The following TRIM2 variants were observed in gnomAD, a reference collection of about 807,000 sequenced individuals.
The protein encoded by TRIM2 is tripartite motif-containing protein 2.
In TRIM2, 20 loss-of-function variants were observed where a neutral mutation model predicts 75.2. The ratio of observed to expected loss-of-function variants is 0.27; its 90% CI spans 0.19 to 0.39. The LOEUF (loss-of-function observed/expected upper bound fraction) is 0.39, where lower values mean the gene tolerates loss of function less well. Among genes scored for constraint, TRIM2 ranks in the 10% least tolerant of loss-of-function variants. TRIM2 has a pLI of 1.00. For synonymous variants in TRIM2, 373 were observed against 388.3 expected, an observed-to-expected ratio of 0.96 and a Z score of 0.46; for missense variants, 660 against 990.8, an observed-to-expected ratio of 0.67 and a Z score of 4.48.
chr4:153,307,951 C>T, intron 6 of TRIM2: 1 of 755,582 alleles, frequency 1.3e-6, no homozygotes, highest in African/African-American at 1.7e-5. Flanking sequence ...TACAGCCGGT[C>T]AGCGAAATAC....
chr4:153,187,927 A>G (rs1035653685), intron 1 of TRIM2, among the ~76,000 whole-genome samples: 1 of 152,176 alleles, frequency 6.6e-6, no homozygotes, highest in Non-Finnish European at 1.5e-5. Context: ...TGGTCCTATT[A>G]TATAACCCAA....
chr4:153,243,818 T>TCCCC (rs77308682), intron 1 of TRIM2, among the ~76,000 whole-genome samples: 4 of 98,686 alleles, frequency 4.1e-5, no homozygotes, highest in African/African-American at 6.6e-5. Context: ...TTTTTTTTTT[T>TCCCC]CCCCCCCCCC....
At chr4:153,235,926 C>A (rs1035565690) in intron 1 of TRIM2, among the ~76,000 whole-genome samples, 2 of 152,134 alleles carry the variant, frequency 1.3e-5, no homozygotes, top group Non-Finnish European at 2.9e-5. Flanking sequence ...TGATTACCTT[C>A]TTTCCCCCTA....
intron 3 of TRIM2, among the ~76,000 whole-genome samples, chr4:153,284,122 G>A (rs918302955): frequency 2.3e-4 from 35 of 151,392 alleles, no homozygotes; most frequent in Admixed American, 2.0e-3. Context: ...CAGGTGATCC[G>A]CCCACTTCGG....
intron 1 of TRIM2, among the ~76,000 whole-genome samples, chr4:153,234,878 A>T (rs1010316561): frequency 6.6e-6 from 1 of 152,182 alleles, no homozygotes; most frequent in South Asian, 2.1e-4. Flanking sequence ...CCAACTCAGC[A>T]TGTCCAAAGT....
At chr4:153,239,913 C>G (rs1420760989) in intron 1 of TRIM2, among the ~76,000 whole-genome samples, 1 of 150,572 alleles carries the variant, frequency 6.6e-6, no homozygotes, top group African/African-American at 2.5e-5. Context: ...CTGCAACCTC[C>G]GCCTCCTGGG....
chr4:153,200,523 C>T (rs774850300), upstream of TRIM2, among the ~76,000 whole-genome samples: 9 of 152,038 alleles, frequency 5.9e-5, no homozygotes, highest in East Asian at 1.9e-4. Flanking sequence ...TTTGAGCCCC[C>T]GTTTTCAATT....
chr4:153,266,037 A>G (rs1331150991), intron 1 of TRIM2, among the ~76,000 whole-genome samples: 3 of 152,228 alleles, frequency 2.0e-5, no homozygotes, highest in African/African-American at 4.8e-5. Flanking sequence ...GAGACACTCT[A>G]TGGAAAGTCT....
At chr4:153,245,780 G>A (rs574299485) in intron 1 of TRIM2, among the ~76,000 whole-genome samples, 2 of 152,232 alleles carry the variant, frequency 1.3e-5, no homozygotes, top group African/African-American at 2.4e-5. Context: ...GGGTTCAAGC[G>A]ATCCTCCCAC....
upstream of TRIM2, chr4:153,152,404 G>GTATACATATA (rs1159133099): frequency 2.9e-4 from 5 of 17,522 alleles, no homozygotes; most frequent in Non-Finnish European, 1.3e-3. Flanking sequence ...ATATATATAT[G>GTATACATATA]TGTGTATATA....
upstream of TRIM2, chr4:153,152,408 G>GTATATATA (rs562242204): frequency 1.0e-3 from 51 of 50,570 alleles, no homozygotes; most frequent in East Asian, 0.028. Flanking sequence ...ATATATGTGT[G>GTATATATA]TATATATATA....
At chr4:153,262,207 T>A (rs1753754898) in intron 1 of TRIM2, among the ~76,000 whole-genome samples, 1 of 152,210 alleles carries the variant, frequency 6.6e-6, no homozygotes, top group Non-Finnish European at 1.5e-5. Flanking sequence ...AAGAGTTTAA[T>A]AAATGCAGAA....
intron 1 of TRIM2, among the ~76,000 whole-genome samples, chr4:153,265,078 G>T (rs1754586032): frequency 6.6e-6 from 1 of 151,500 alleles, no homozygotes. Flanking sequence ...ATAAAATATT[G>T]GCTCAAGAAA....
chr4:153,250,115 TTTTTC>T (rs1750493397), intron 1 of TRIM2, among the ~76,000 whole-genome samples: 2 of 152,098 alleles, frequency 1.3e-5, no homozygotes, highest in East Asian at 1.9e-4. Context: ...TGTCTTTTTT[TTTTTC>T]TTTTCTTTTC....
intron 1 of TRIM2, among the ~76,000 whole-genome samples, chr4:153,161,971 C>A (rs1190963119): frequency 1.3e-5 from 2 of 152,204 alleles, no homozygotes; most frequent in Non-Finnish European, 2.9e-5. Context: ...GCATAAACCT[C>A]CGAAATGAAA....
chr4:153,304,083 G>A (rs1037733094), intron 6 of TRIM2, among the ~76,000 whole-genome samples: 1 of 152,012 alleles, frequency 6.6e-6, no homozygotes, highest in Non-Finnish European at 1.5e-5. Context: ...AGGAAGTTAA[G>A]GAAGGTTCCT....
intron 1 of TRIM2, among the ~76,000 whole-genome samples, chr4:153,175,949 C>G (rs549037035): frequency 2.0e-5 from 3 of 151,712 alleles, no homozygotes; most frequent in Admixed American, 6.6e-5. Context: ...GAGGCTGAGG[C>G]GAGAGAATCA....
chr4:153,172,856 G>T (rs13126684), intron 1 of TRIM2, among the ~76,000 whole-genome samples: 19,560 of 152,116 alleles, frequency 0.13, 1,659 homozygotes, highest in Non-Finnish European at 0.19. Context: ...AAGAGCTCAA[G>T]ACAGAGACAG....
intron 1 of TRIM2, among the ~76,000 whole-genome samples, chr4:153,227,549 T>C (rs1742477858): frequency 6.6e-6 from 1 of 152,202 alleles, no homozygotes; most frequent in Admixed American, 6.5e-5. Context: ...GGAAGCTATA[T>C]TAGAAAACCA....
Sources: allele counts gnomAD v4.1 joint callset (sites outside exome capture counted in the v4.1 genomes callset), GRCh38; gene constraint gnomAD v4.1.1; transcripts MANE v1.5; gene names NCBI Gene and HGNC (gene_info 2026-07-23, HGNC 2026-07-21).